Variants in ENOX1 observed in about 807,000 individuals in gnomAD.
The protein encoded by ENOX1 is ecto-NOX disulfide-thiol exchanger 1.
Under a neutral mutation model 82.5 loss-of-function variants are expected in ENOX1, and 42 were observed. The ratio of observed to expected loss-of-function variants is 0.51; its 90% CI spans 0.40 to 0.66. ENOX1 has a LOEUF of 0.66. Ranked by LOEUF, ENOX1 falls within the 30% of genes least tolerant of loss-of-function variation. The probability of loss-of-function intolerance (pLI) is 0.00; values close to 1 mark genes in which losing one functional copy is unlikely to be tolerated. For missense variants in ENOX1, 608 were observed against 811.6 expected (o/e 0.75, Z 3.05); for synonymous variants, 271 against 282.2 (o/e 0.96, Z 0.40).
chr13:43,733,496 G>A (rs1477656585), intron 1 of ENOX1, among the ~76,000 whole-genome samples: 1 of 152,168 alleles, frequency 6.6e-6, no homozygotes, highest in African/African-American at 2.4e-5. Context: ...CATCGTATGA[G>A]GCGATTTATC....
At chr13:43,411,299 C>T (rs1246740566) in intron 5 of ENOX1, among the ~76,000 whole-genome samples, 5 of 152,192 alleles carry the variant, frequency 3.3e-5, no homozygotes, top group Non-Finnish European at 1.5e-5. Flanking sequence ...GTAAAATCCT[C>T]AGCAAACACC....
rs2079572268 is a variant in ENOX1 at position 43,559,358 on chromosome 13, T to C, written c.-218-75206A>G. Among the ~76,000 whole-genome samples the C allele has an allele frequency of 2.6e-5, 4 of 152,338 alleles. No individual in the cohort carries two copies. In the South Asian group the frequency reaches 6.2e-4, roughly 24 times the overall value. ...TCTTCTTTAGTTAGAACTATTTTTA[T>C]CCTTTGTCACTTTATAAACTGCAAT... On this transcript the variant is annotated intron_variant, in intron 2 of 16. Transcript: ENST00000690772.
intron 5 of ENOX1, among the ~76,000 whole-genome samples, chr13:43,365,675 C>T (rs2050802672): frequency 2.0e-5 from 3 of 152,204 alleles, no homozygotes; most frequent in Admixed American, 6.5e-5. Context: ...AGAAGCAAGA[C>T]AGGATTCAGA....
chr13:43,393,583 T>G (rs925062364), intron 5 of ENOX1, among the ~76,000 whole-genome samples: 1 of 148,936 alleles, frequency 6.7e-6, no homozygotes, highest in African/African-American at 2.5e-5. Context: ...TAACGACAGG[T>G]GGGTGGATGG....
chr13:43,473,790 T>C (rs1372771884), intron 3 of ENOX1, among the ~76,000 whole-genome samples: 2 of 152,162 alleles, frequency 1.3e-5, no homozygotes, highest in East Asian at 3.9e-4. Flanking sequence ...GGTGCTGGGA[T>C]GTCTGTACTC....
At chr13:43,658,497 T>C (rs1105586) in intron 2 of ENOX1, among the ~76,000 whole-genome samples, 53,039 of 152,074 alleles carry the variant, frequency 0.35, 9,585 homozygotes, top group Non-Finnish European at 0.41. Context: ...TGTAGTGTTC[T>C]ATGATTATAT....
intron 2 of ENOX1, among the ~76,000 whole-genome samples, chr13:43,542,037 A>G (rs1035705507): frequency 1.3e-5 from 2 of 152,216 alleles, no homozygotes; most frequent in Non-Finnish European, 1.5e-5. Flanking sequence ...TCAGCAATCA[A>G]TCTGCAGAAC....
At position 43,344,648 on chromosome 13, in the gene ENOX1, G is replaced by A. The variant is rs1424225426; in HGVS notation, c.926C>T (p.Ser309Leu). 1.9e-6 allele frequency: 3 copies of A among 1,614,046 alleles called. No homozygotes were observed. The highest frequency in any genetic ancestry group is 1.3e-5 in the African/African-American group (1 of 74,992). ...SANQFYSMVQ[S>L]ANSHVRRLMN... Reference sequence around the variant, plus strand: ...TAGCCGGCGGACGTGGCTGTTGGCCGACTGCACCATGGAATAGAACTGGTT... The same window carrying A: ...TAGCCGGCGGACGTGGCTGTTGGCCAACTGCACCATGGAATAGAACTGGTT... Residue 309 changes from serine (S) to leucine (L), a missense_variant, in exon 9 of 17, where the codon TCG (serine) becomes TTG (leucine). Transcript: ENST00000690772.
chr13:43,751,800 A>G (rs1950336882), intron 1 of ENOX1, among the ~76,000 whole-genome samples: 1 of 152,172 alleles, frequency 6.6e-6, no homozygotes, highest in Admixed American at 6.5e-5. Context: ...CATGTGGGTT[A>G]TTTCAAGTTT....
At chr13:43,717,663 C>G (rs1038296184) in intron 1 of ENOX1, among the ~76,000 whole-genome samples, 2 of 152,034 alleles carry the variant, frequency 1.3e-5, no homozygotes, top group Non-Finnish European at 2.9e-5. Flanking sequence ...GTCTAATACC[C>G]AGAATCTACA....
chr13:43,494,925 C>A (rs2076742738), intron 2 of ENOX1, among the ~76,000 whole-genome samples: 2 of 151,990 alleles, frequency 1.3e-5, no homozygotes, highest in Admixed American at 6.6e-5. Flanking sequence ...AAAAAAGATG[C>A]AGTCAACAAT....
intron 9 of ENOX1, among the ~76,000 whole-genome samples, chr13:43,335,980 T>C (rs574860780): frequency 6.6e-6 from 1 of 152,320 alleles, no homozygotes; most frequent in Admixed American, 6.5e-5. Context: ...CAGCACTTAA[T>C]GCATTGGCAA....
chr13:43,401,838 AAAATC>A (rs1183556156), intron 5 of ENOX1, among the ~76,000 whole-genome samples: 1 of 152,200 alleles, frequency 6.6e-6, no homozygotes, highest in East Asian at 1.9e-4. Flanking sequence ...ACCCAAGTAT[AAAATC>A]AAAGCCTTGA....
chr13:43,365,006 G>A (rs1192823130), intron 5 of ENOX1, among the ~76,000 whole-genome samples: 1 of 152,154 alleles, frequency 6.6e-6, no homozygotes, highest in Non-Finnish European at 1.5e-5. Flanking sequence ...AGATCAGAGA[G>A]ACCCTGCTGT....
Position 43,221,003 on chromosome 13 carries a change from AT to A in ENOX1, c.1800+3049del, listed in dbSNP as rs556017887. ...AATTTTGTGTTTGCAGAGGTATGCT[AT>A]TAGTACAGAAGTGCGAATGATTCTC... On this transcript the variant is annotated intron_variant, in intron 16 of 16. Coordinates refer to ENST00000690772, the MANE Select transcript of ENOX1 (RefSeq NM_001347969.2). Among the ~76,000 whole-genome samples the A allele has an allele frequency of 2.7e-3, 410 of 152,324 alleles. 2 individuals carry two copies. Among genetic ancestry groups the A allele is most frequent in the African/African-American group, 9.4e-3 (389 of 41,576 alleles).
chr13:43,350,930 G>A (rs1361564048), intron 8 of ENOX1, among the ~76,000 whole-genome samples: 4 of 152,126 alleles, frequency 2.6e-5, no homozygotes, highest in African/African-American at 7.2e-5. Flanking sequence ...TGAACGGAAC[G>A]AGGGAAAACA....
chr13:43,693,003 CA>C (rs1375337820), intron 1 of ENOX1, among the ~76,000 whole-genome samples: 1 of 151,668 alleles, frequency 6.6e-6, no homozygotes, highest in African/African-American at 2.4e-5. Flanking sequence ...CGCATATTTA[CA>C]AAAAAAGCTA....
chr13:43,482,541 A>G (rs2058545637), intron 3 of ENOX1, among the ~76,000 whole-genome samples: 1 of 152,148 alleles, frequency 6.6e-6, no homozygotes. Context: ...AAAAAATTGT[A>G]AGGATTTGCT....
intron 2 of ENOX1, among the ~76,000 whole-genome samples, chr13:43,497,788 CTTTG>C (rs1391042320): frequency 1.3e-5 from 2 of 151,994 alleles, no homozygotes; most frequent in South Asian, 2.1e-4. Context: ...TATTTCCCGT[CTTTG>C]TTTAAGACTG....
Sources: gnomAD v4.1 joint callset for allele counts (sites outside exome capture counted in the v4.1 genomes callset) on GRCh38, gnomAD v4.1.1 for gene constraint, MANE v1.5 for transcripts, NCBI Gene and HGNC (gene_info 2026-07-23, HGNC 2026-07-21) for gene names.